SLC10A7: variants seen among roughly 807,000 people sequenced by gnomAD.
The protein encoded by SLC10A7 is sodium/bile acid cotransporter 7.
A neutral mutation model predicts 43.2 loss-of-function variants in SLC10A7; 29 were observed. The observed-to-expected ratio is 0.67, with a 90% CI of 0.50 to 0.92. The LOEUF (loss-of-function observed/expected upper bound fraction) is 0.92. SLC10A7 is among the 40% of genes least tolerant of loss of function. The pLI is 0.00. For missense variants in SLC10A7, 295 were observed against 403.2 expected (o/e 0.73, Z 2.30); for synonymous variants, 152 against 144.8 (o/e 1.05, Z -0.35).
At chr4:146,355,200 C>T (rs1392113002) in intron 5 of SLC10A7, among the ~76,000 whole-genome samples, 3 of 151,592 alleles carry the variant, frequency 2.0e-5, no homozygotes, top group Non-Finnish European at 4.4e-5. Flanking sequence ...AAGAAAAAAA[C>T]AATCAACCCC....
chr4:146,360,196 A>G (rs1450521570), intron 5 of SLC10A7, among the ~76,000 whole-genome samples: 1 of 151,254 alleles, frequency 6.6e-6, no homozygotes, highest in Non-Finnish European at 1.5e-5. Flanking sequence ...CACTGCCATT[A>G]CCTTACTCTA....
intron 4 of SLC10A7, among the ~76,000 whole-genome samples, chr4:146,445,887 TC>T (rs1299141690): frequency 7.3e-5 from 8 of 108,876 alleles, no homozygotes; most frequent in African/African-American, 3.1e-4. Context: ...CTCTCTTCTC[TC>T]TTCTGTGTGT....
intron 5 of SLC10A7, among the ~76,000 whole-genome samples, chr4:146,371,940 C>T (rs1372170032): frequency 6.6e-6 from 1 of 152,094 alleles, no homozygotes; most frequent in Non-Finnish European, 1.5e-5. Flanking sequence ...ATTTCTCATT[C>T]TACCATTTGA....
intron 11 of SLC10A7, chr4:146,256,967 C>A (rs891177936): frequency 1.4e-6 from 2 of 1,408,364 alleles, no homozygotes; most frequent in Non-Finnish European, 1.9e-6. Context: ...CAACAGTGTA[C>A]AATTTAGTCT....
At chr4:146,463,955 T>C (rs1363769852) in intron 4 of SLC10A7, among the ~76,000 whole-genome samples, 4 of 151,820 alleles carry the variant, frequency 2.6e-5, no homozygotes, top group Non-Finnish European at 4.4e-5. Context: ...CCCAAGTTGC[T>C]GGGACTACAG....
intron 5 of SLC10A7, among the ~76,000 whole-genome samples, chr4:146,381,063 C>A (rs1405569327): frequency 2.0e-5 from 3 of 152,082 alleles, no homozygotes; most frequent in Non-Finnish European, 4.4e-5. Flanking sequence ...GGTTTTGTGA[C>A]CCCTAAAGCC....
At chr4:146,393,857 T>C (rs1026731126) in intron 5 of SLC10A7, among the ~76,000 whole-genome samples, 2 of 152,212 alleles carry the variant, frequency 1.3e-5, no homozygotes, top group Non-Finnish European at 2.9e-5. Flanking sequence ...CACCTACCAA[T>C]AAGAGCAATT....
At chr4:146,507,279 T>G (rs928772596) in intron 3 of SLC10A7, among the ~76,000 whole-genome samples, 11 of 152,168 alleles carry the variant, frequency 7.2e-5, no homozygotes, top group African/African-American at 2.7e-4. Flanking sequence ...AATCAATCTG[T>G]GGCTGGGCGC....
At chr4:146,395,034 T>G (rs1284455899) in intron 5 of SLC10A7, among the ~76,000 whole-genome samples, 1 of 152,166 alleles carries the variant, frequency 6.6e-6, no homozygotes, top group African/African-American at 2.4e-5. Context: ...TCACTCCATG[T>G]TTCCATGTCA....
intron 5 of SLC10A7, among the ~76,000 whole-genome samples, chr4:146,337,597 G>T (rs924512970): frequency 6.6e-6 from 1 of 151,922 alleles, no homozygotes; most frequent in Non-Finnish European, 1.5e-5. Context: ...AATATTTATT[G>T]AGGTATATTA....
chr4:146,366,967 T>C (rs1736432763), intron 5 of SLC10A7, among the ~76,000 whole-genome samples: 1 of 152,174 alleles, frequency 6.6e-6, no homozygotes, highest in African/African-American at 2.4e-5. Flanking sequence ...CAGATTTTTT[T>C]TTCTTCTGCC....
At chr4:146,294,787 A>C (rs1730668681) in intron 7 of SLC10A7, among the ~76,000 whole-genome samples, 1 of 152,218 alleles carries the variant, frequency 6.6e-6, no homozygotes, top group African/African-American at 2.4e-5. Flanking sequence ...TCAGTGAAAT[A>C]TAAAGTTATA....
chr4:146,456,690 C>G (rs970062668), intron 4 of SLC10A7, among the ~76,000 whole-genome samples: 6 of 151,892 alleles, frequency 4.0e-5, no homozygotes, highest in African/African-American at 1.4e-4. Flanking sequence ...AACCAAGAGG[C>G]AACACCGAGT....
chr4:146,432,710 T>C lies in SLC10A7; in HGVS notation c.435+10073A>G, dbSNP rs114400237. On this transcript the variant is annotated intron_variant, in intron 5 of 11. Coordinates refer to ENST00000335472, the MANE Select transcript of SLC10A7 (RefSeq NM_001029998.6). ...ACATTTGTCAAAACTGACAGGACTA[T>C]ACCTCTGAAATGCATAGATTTTTCT... Among the ~76,000 whole-genome samples the C allele has an allele frequency of 7.0e-3, 1,061 of 152,318 alleles. 10 individuals are homozygous for C. The highest frequency in any genetic ancestry group is 0.024 in the African/African-American group (1,000 of 41,574).
At chr4:146,278,268 G>A (rs1160494014) in intron 10 of SLC10A7, among the ~76,000 whole-genome samples, 1 of 152,096 alleles carries the variant, frequency 6.6e-6, no homozygotes, top group Non-Finnish European at 1.5e-5. Context: ...ATATTACAGG[G>A]TTAAGAGCTT....
intron 5 of SLC10A7, among the ~76,000 whole-genome samples, chr4:146,417,531 C>T (rs17021487): frequency 0.019 from 2,861 of 152,242 alleles, 79 homozygotes; most frequent in African/African-American, 0.065. Flanking sequence ...CCTTAACACA[C>T]GCTCATGTAA....
At chr4:146,381,636 T>G (rs1216761283) in intron 5 of SLC10A7, among the ~76,000 whole-genome samples, 1 of 152,122 alleles carries the variant, frequency 6.6e-6, no homozygotes, top group East Asian at 1.9e-4. Flanking sequence ...TGCCACTCTT[T>G]CATCAGACAA....
At chr4:146,507,905 T>A (rs914184113) in intron 3 of SLC10A7, among the ~76,000 whole-genome samples, 1 of 152,222 alleles carries the variant, frequency 6.6e-6, no homozygotes, top group Non-Finnish European at 1.5e-5. Context: ...TACACTCCTT[T>A]AAGTTCAACA....
chr4:146,518,983 G>T (rs1195095742), intron 1 of SLC10A7, among the ~76,000 whole-genome samples: 1 of 145,704 alleles, frequency 6.9e-6, no homozygotes, highest in Non-Finnish European at 1.5e-5. Context: ...AAAACAACAG[G>T]ACAACAATCA....
Sources: allele counts gnomAD v4.1 joint callset (sites outside exome capture counted in the v4.1 genomes callset), GRCh38; gene constraint gnomAD v4.1.1; transcripts MANE v1.5; gene names NCBI Gene and HGNC (gene_info 2026-07-23, HGNC 2026-07-21).